Variants in ATE1 observed in about 807,000 individuals in gnomAD.
ATE1 encodes arginyl-tRNA--protein transferase 1.
A neutral mutation model predicts 70.5 loss-of-function variants in ATE1; 36 were observed. That is an observed-to-expected ratio of 0.51 (90% CI 0.39 to 0.67). The LOEUF (loss-of-function observed/expected upper bound fraction) is 0.67, where lower values mean the gene tolerates loss of function less well. Ranked by LOEUF, ATE1 falls within the 30% of genes least tolerant of loss-of-function variation. The pLI is 0.00. For missense variants in ATE1, 593 were observed against 629.5 expected, an observed-to-expected ratio of 0.94 and a Z score of 0.62; for synonymous variants, 232 against 219.3, an observed-to-expected ratio of 1.06 and a Z score of -0.51.
intron 10 of ATE1, among the ~76,000 whole-genome samples, chr10:121,793,434 T>C (rs564128314): frequency 6.6e-6 from 1 of 152,194 alleles, no homozygotes; most frequent in African/African-American, 2.4e-5. Context: ...ACTTTTATAG[T>C]GTCAAATGAC....
chr10:121,793,801 C>T lies in ATE1; in HGVS notation c.1258-3512G>A, dbSNP rs534658830. 2.4e-4 allele frequency among the ~76,000 whole-genome samples: 37 copies of T among 152,200 alleles called. No homozygotes were observed. In the East Asian group the frequency reaches 5.0e-3, roughly 21 times the overall value. ...TCTGACTTTCTATGCCATACTCTTA[C>T]GCCATATGAAAATCTGATGTGTGGT... On this transcript the variant is annotated intron_variant, in intron 10 of 11. Transcript: ENST00000224652.
chr10:121,826,128 G>A (rs1039957869), intron 10 of ATE1, among the ~76,000 whole-genome samples: 2 of 152,118 alleles, frequency 1.3e-5, no homozygotes, highest in Admixed American at 6.5e-5. Context: ...ATTCTTAGGG[G>A]TGGGGAAGGG....
At chr10:121,767,027 T>C (rs1945305938) in intron 11 of ATE1, among the ~76,000 whole-genome samples, 1 of 152,118 alleles carries the variant, frequency 6.6e-6, no homozygotes. Context: ...TAGAAGTCCT[T>C]AACAAAATAC....
intron 11 of ATE1, among the ~76,000 whole-genome samples, chr10:121,744,169 G>A (rs748249743): frequency 2.0e-5 from 3 of 151,814 alleles, no homozygotes; most frequent in South Asian, 2.1e-4. Context: ...TAATCCTCCC[G>A]CCTCAGCCTC....
intron 11 of ATE1, among the ~76,000 whole-genome samples, chr10:121,745,512 C>G (rs1053741494): frequency 6.6e-6 from 1 of 152,006 alleles, no homozygotes; most frequent in Non-Finnish European, 1.5e-5. Context: ...GTCAGGAGAT[C>G]GACACCATTC....
At chr10:121,787,973 G>C (rs4998277) in intron 11 of ATE1, among the ~76,000 whole-genome samples, 1 of 152,002 alleles carries the variant, frequency 6.6e-6, no homozygotes, top group South Asian at 2.1e-4. Context: ...TGAAGCTATC[G>C]TAAGTTGGGG....
At chr10:121,856,593 C>T (rs1005302327) in intron 8 of ATE1, among the ~76,000 whole-genome samples, 1 of 152,170 alleles carries the variant, frequency 6.6e-6, no homozygotes, top group East Asian at 1.9e-4. Context: ...CAGACCACTG[C>T]AATAAAGTGA....
At chr10:121,859,592 A>G (rs1017918817) in intron 8 of ATE1, among the ~76,000 whole-genome samples, 5 of 152,198 alleles carry the variant, frequency 3.3e-5, no homozygotes, top group African/African-American at 9.6e-5. Flanking sequence ...GGTTCAGGCC[A>G]TATTAAGGGC....
intron 10 of ATE1, among the ~76,000 whole-genome samples, chr10:121,807,431 G>C (rs1324990885): frequency 6.6e-6 from 1 of 152,058 alleles, no homozygotes; most frequent in Non-Finnish European, 1.5e-5. Context: ...TATGTAAGTA[G>C]GAGTCCATTT....
At chr10:121,814,661 C>A (rs1455971327) in intron 10 of ATE1, among the ~76,000 whole-genome samples, 2 of 152,140 alleles carry the variant, frequency 1.3e-5, no homozygotes, top group African/African-American at 2.4e-5. Flanking sequence ...ACAAATAGAA[C>A]AGATAGAGAT....
rs541149185 is a variant in ATE1 at position 121,907,994 on chromosome 10, CATA to C, written c.583+2909_583+2911del. 2.8e-4 allele frequency among the ~76,000 whole-genome samples: 43 copies of C among 152,000 alleles called. No homozygotes were observed. The East Asian group carries it at 8.0e-3, about 28-fold the overall frequency. ...ATGCCTGTACAAGATGCTCCAGGAG[CATA>C]ATATCATGCCAAATAGTAAGGAAGC... On this transcript the variant is annotated intron_variant, in intron 5 of 11. Coordinates refer to ENST00000224652, the MANE Select transcript of ATE1 (RefSeq NM_001001976.3).
chr10:121,810,827 T>A (rs1947291271), intron 10 of ATE1, among the ~76,000 whole-genome samples: 1 of 151,940 alleles, frequency 6.6e-6, no homozygotes, highest in South Asian at 2.1e-4. Context: ...CTCGGCCTCC[T>A]GAGCAGCTGG....
chr10:121,865,634 C>A (rs1949638452), intron 8 of ATE1, among the ~76,000 whole-genome samples: 1 of 152,202 alleles, frequency 6.6e-6, no homozygotes, highest in South Asian at 2.1e-4. Context: ...TACATATCAG[C>A]AGCTACAGAG....
intron 8 of ATE1, among the ~76,000 whole-genome samples, chr10:121,858,671 A>ATATATATTT (rs1436588957): frequency 7.4e-6 from 1 of 135,776 alleles, no homozygotes; most frequent in African/African-American, 3.2e-5. Context: ...TATATATATA[A>ATATATATTT]TATATATATT....
intron 8 of ATE1, among the ~76,000 whole-genome samples, chr10:121,859,492 G>A (rs1318162202): frequency 6.6e-6 from 1 of 151,960 alleles, no homozygotes; most frequent in African/African-American, 2.4e-5. Context: ...TCCTGACCTC[G>A]TGATCGGCCC....
chr10:121,847,041 C>T (rs912721957), intron 8 of ATE1, among the ~76,000 whole-genome samples: 1 of 152,140 alleles, frequency 6.6e-6, no homozygotes, highest in Non-Finnish European at 1.5e-5. Flanking sequence ...AATCAGAAGG[C>T]TCAACTATGT....
intron 8 of ATE1, among the ~76,000 whole-genome samples, chr10:121,854,676 A>C (rs1007397046): frequency 1.2e-4 from 18 of 152,182 alleles, no homozygotes; most frequent in African/African-American, 4.1e-4. Context: ...GGTAGTAATG[A>C]GAAAGGAAAA....
intron 7 of ATE1, among the ~76,000 whole-genome samples, chr10:121,884,478 A>G (rs1950319835): frequency 6.6e-6 from 1 of 152,020 alleles, no homozygotes; most frequent in Admixed American, 6.6e-5. Context: ...AGTGCCAGCT[A>G]CTCAGGGGAC....
intron 11 of ATE1, among the ~76,000 whole-genome samples, chr10:121,783,812 T>C (rs1173145194): frequency 6.6e-6 from 1 of 152,236 alleles, no homozygotes; most frequent in Non-Finnish European, 1.5e-5. Flanking sequence ...ACTAAAATGA[T>C]TTCTATAATT....
Sources: gnomAD v4.1 joint callset for allele counts (sites outside exome capture counted in the v4.1 genomes callset) on GRCh38, gnomAD v4.1.1 for gene constraint, MANE v1.5 for transcripts, NCBI Gene and HGNC (gene_info 2026-07-23, HGNC 2026-07-21) for gene names.